Variants in TP63 observed in about 807,000 individuals in gnomAD.
TP63 encodes tumor protein p63.
Under a neutral mutation model 82.8 loss-of-function variants are expected in TP63, and 17 were observed. That is an observed-to-expected ratio of 0.21 (90% CI 0.14 to 0.31). TP63 has a LOEUF of 0.31. Among genes scored for constraint, TP63 ranks in the 10% least tolerant of loss-of-function variants. TP63 has a pLI of 1.00. For synonymous variants in TP63, 330 were observed against 321.7 expected (o/e 1.03, Z -0.28); for missense variants, 648 against 895.3 (o/e 0.72, Z 3.52).
intron 4 of TP63, among the ~76,000 whole-genome samples, chr3:189,863,234 A>T (rs1717260768): frequency 6.6e-6 from 1 of 152,154 alleles, no homozygotes; most frequent in African/African-American, 2.4e-5. Flanking sequence ...CTTGGCCAGC[A>T]ATTCCAGTGC....
chr3:189,820,155 A>G (rs889646127), intron 4 of TP63, among the ~76,000 whole-genome samples: 5 of 152,210 alleles, frequency 3.3e-5, no homozygotes, highest in Admixed American at 3.3e-4. Context: ...GAGAATTATC[A>G]CATAATTTAG....
intron 4 of TP63, among the ~76,000 whole-genome samples, chr3:189,821,547 C>T (rs1728796241): frequency 6.6e-6 from 1 of 152,196 alleles, no homozygotes; most frequent in Non-Finnish European, 1.5e-5. Flanking sequence ...CTGGGTACTG[C>T]CCACGCTGCT....
intron 1 of TP63, among the ~76,000 whole-genome samples, chr3:189,689,140 G>A (rs143112075): frequency 0.11 from 8,934 of 77,700 alleles, 512 homozygotes; most frequent in East Asian, 0.29. Flanking sequence ...TTTTTGAGAC[G>A]GAGTCTCACT....
chr3:189,687,264 T>C (rs1716523253), intron 1 of TP63, among the ~76,000 whole-genome samples: 2 of 152,180 alleles, frequency 1.3e-5, no homozygotes, highest in Admixed American at 1.3e-4. Context: ...AAACGGTACA[T>C]AGTTTTGCTA....
chr3:189,852,984 A>G (rs1281728067), intron 4 of TP63, among the ~76,000 whole-genome samples: 2 of 152,170 alleles, frequency 1.3e-5, no homozygotes, highest in East Asian at 1.9e-4. Flanking sequence ...GCACAATCCA[A>G]TTGGTGAATA....
At chr3:189,716,676 C>T (rs567792620) in intron 1 of TP63, among the ~76,000 whole-genome samples, 2 of 152,300 alleles carry the variant, frequency 1.3e-5, no homozygotes, top group Admixed American at 1.3e-4. Context: ...AATAAACAAA[C>T]AGTTCCTCAG....
At chr3:189,597,445 C>T in the TP63 span, among the ~76,000 whole-genome samples, 2 of 152,066 alleles carry the variant, frequency 1.3e-5, no homozygotes, top group Admixed American at 1.3e-4. Context: ...AATTTTAATC[C>T]TTTTAGGAGG....
chr3:189,694,223 G>A (rs1418099936), intron 1 of TP63, among the ~76,000 whole-genome samples: 1 of 152,156 alleles, frequency 6.6e-6, no homozygotes, highest in African/African-American at 2.4e-5. Flanking sequence ...TGGAATGATA[G>A]TCAAAGGAGT....
chr3:189,746,822 C>T (rs58700021), intron 3 of TP63, among the ~76,000 whole-genome samples: 35,590 of 149,058 alleles, frequency 0.24, 4,612 homozygotes, highest in East Asian at 0.42. Context: ...ATTTTATATA[C>T]ACACACACAC....
rs774516580 is a variant in TP63, at chr3:189,890,584, T to C, written c.1653-205T>C. 1.3e-4 allele frequency among the ~76,000 whole-genome samples: 20 copies of C among 152,126 alleles called. 1 individual carries two copies. In the South Asian group the frequency reaches 1.9e-3, roughly 14 times the overall value. ...GATCTGCAGGAATCCTTATAGTTGA[T>C]TTTAATTTCTGTAGACCTAAACTTC... On this transcript the variant is annotated intron_variant, in intron 12 of 13. Coordinates refer to ENST00000264731, the MANE Select transcript of TP63 (RefSeq NM_003722.5).
chr3:189,600,130 G>C, the TP63 span, among the ~76,000 whole-genome samples: 1 of 152,080 alleles, frequency 6.6e-6, no homozygotes, highest in South Asian at 2.1e-4. Flanking sequence ...TATTAGACAA[G>C]TCCTTTTGAG....
chr3:189,808,438 C>T lies in TP63; in HGVS notation c.491C>T (p.Ala164Val), dbSNP rs2108638154. The change falls in exon 4 of 14, where the codon GCC becomes GTC. Residue 164 changes from alanine (A) to valine (V), a missense_variant. Ala to Val is a moderately conservative substitution (Grantham distance 64, BLOSUM62 0). Around this residue, in one of 5 missense-constraint regions of TP63, gnomAD observed 182 missense variants for 213.6 expected, o/e 0.85. Transcript: ENST00000264731. ...TTCGATGCTCTCTCTCCATCACCCG[C>T]CATCCCCTCCAACACCGACTACCCA... is the stretch of plus-strand genomic sequence containing the variant. ...STFDALSPSP[A>V]IPSNTDYPGP... 6.2e-7 allele frequency: 1 copy of T among 1,614,190 alleles called. No individual in the cohort carries two copies. Among genetic ancestry groups the T allele is most frequent in the Non-Finnish European group, 8.5e-7 (1 of 1,180,038 alleles).
At chr3:189,702,159 G>C (rs1417276935) in intron 1 of TP63, among the ~76,000 whole-genome samples, 2 of 152,250 alleles carry the variant, frequency 1.3e-5, no homozygotes, top group East Asian at 3.9e-4. Context: ...GCTTTGGTGG[G>C]TTAGTTACTG....
chr3:189,598,995 A>T, the TP63 span, among the ~76,000 whole-genome samples: 1 of 152,234 alleles, frequency 6.6e-6, no homozygotes, highest in African/African-American at 2.4e-5. Context: ...CCTTGCCCAC[A>T]GCAAAGCAGA....
chr3:189,664,661 G>A (rs1476481417), intron 1 of TP63, among the ~76,000 whole-genome samples: 1 of 152,066 alleles, frequency 6.6e-6, no homozygotes, highest in Non-Finnish European at 1.5e-5. Flanking sequence ...TTTATTGTAT[G>A]TGCCTCTTAT....
intron 3 of TP63, among the ~76,000 whole-genome samples, chr3:189,792,755 C>T (rs1387240003): frequency 6.6e-6 from 1 of 151,980 alleles, no homozygotes; most frequent in Non-Finnish European, 1.5e-5. Context: ...ATAGTAGATG[C>T]TCCAAAACAG....
At chr3:189,831,596 C>G (rs576240557) in intron 4 of TP63, among the ~76,000 whole-genome samples, 2 of 151,372 alleles carry the variant, frequency 1.3e-5, no homozygotes, top group Admixed American at 6.6e-5. Context: ...AGTTCAGACT[C>G]TGATTTTCTG....
chr3:189,725,979 C>G (rs990032343), intron 1 of TP63, among the ~76,000 whole-genome samples: 3 of 146,740 alleles, frequency 2.0e-5, no homozygotes, highest in Admixed American at 1.4e-4. Flanking sequence ...TGCTTGAACC[C>G]AAGAGCCGGA....
intron 3 of TP63, among the ~76,000 whole-genome samples, chr3:189,759,218 G>A (rs1333032464): frequency 1.3e-5 from 2 of 152,158 alleles, no homozygotes; most frequent in African/African-American, 4.8e-5. Context: ...GCAAATTATT[G>A]GATATCACTC....
Sources: gnomAD v4.1 joint callset for allele counts (sites outside exome capture counted in the v4.1 genomes callset) on GRCh38, gnomAD v4.1.1 for gene constraint, gnomAD v4.1.1 regional missense constraint, MANE v1.5 for transcripts, NCBI Gene and HGNC (gene_info 2026-07-23, HGNC 2026-07-21) for gene names.